The following CSMD1 variants were observed in gnomAD, a reference collection of about 807,000 sequenced individuals.
The protein encoded by CSMD1 is CUB and Sushi multiple domains 1.
CSMD1 carries 213 observed loss-of-function variants against 417.5 expected under a neutral mutation model. That is an observed-to-expected ratio of 0.51 (90% CI 0.46 to 0.57). The LOEUF (loss-of-function observed/expected upper bound fraction) is 0.57. Ranked by LOEUF, CSMD1 falls within the 20% of genes least tolerant of loss-of-function variation. The pLI, the probability that CSMD1 is intolerant of heterozygous loss-of-function variation, is 0.00. For synonymous variants in CSMD1, 2,862 were observed against 1,736.8 expected (o/e 1.65, Z -16.11); for missense variants, 6,923 against 4,529.7 (o/e 1.53, Z -15.17).
At chr8:4,924,722 C>CA (rs60827201) in intron 1 of CSMD1, among the ~76,000 whole-genome samples, 44,249 of 64,262 alleles carry the variant, frequency 0.69, 14,637 homozygotes, top group Admixed American at 0.8. Context: ...AACTCCATCT[C>CA]AAAAAAAAAA....
At chr8:4,875,562 G>C (rs1435243267) in intron 1 of CSMD1, among the ~76,000 whole-genome samples, 1 of 152,030 alleles carries the variant, frequency 6.6e-6, no homozygotes, top group Non-Finnish European at 1.5e-5. Flanking sequence ...CAGAAGCATA[G>C]ATCTTGTCAC....
chr8:4,546,364 A>C (rs1053469412), intron 2 of CSMD1, among the ~76,000 whole-genome samples: 4 of 152,134 alleles, frequency 2.6e-5, no homozygotes, highest in Non-Finnish European at 5.9e-5. Flanking sequence ...AGCTGGTAAA[A>C]GATTGCTTCT....
chr8:4,711,152 T>C (rs1808267708), intron 1 of CSMD1, among the ~76,000 whole-genome samples: 1 of 148,210 alleles, frequency 6.7e-6, no homozygotes, highest in South Asian at 2.1e-4. Context: ...CTCAACAATT[T>C]TCTCACAAAA....
intron 37 of CSMD1, among the ~76,000 whole-genome samples, chr8:3,177,280 CA>C (rs1821000885): frequency 1.3e-5 from 2 of 152,278 alleles, no homozygotes; most frequent in East Asian, 1.9e-4. Flanking sequence ...AGGCCTCTAT[CA>C]GGGGGCTATA....
chr8:4,523,906 T>C lies in CSMD1; in HGVS notation c.303-103841A>G, dbSNP rs141866917. 4.2e-4 allele frequency among the ~76,000 whole-genome samples: 64 copies of C among 152,292 alleles called. No homozygotes were observed. In the East Asian group the frequency reaches 9.7e-3, roughly 23 times the overall value. ...GTCTTTACAAAGCCAATCATGATGC[T>C]ATTTCTAATCAGCTCTGCTCCTCAA... On this transcript the variant is annotated intron_variant, in intron 2 of 69. Coordinates refer to ENST00000635120, the MANE Select transcript of CSMD1 (RefSeq NM_033225.6).
chr8:3,687,092 C>T (rs1310939056), intron 7 of CSMD1, among the ~76,000 whole-genome samples: 1 of 152,130 alleles, frequency 6.6e-6, no homozygotes, highest in Non-Finnish European at 1.5e-5. Flanking sequence ...AAATGTATGT[C>T]CAATAAAATG....
At chr8:4,504,408 G>C (rs1802415109) in intron 2 of CSMD1, among the ~76,000 whole-genome samples, 1 of 152,144 alleles carries the variant, frequency 6.6e-6, no homozygotes, top group Admixed American at 6.5e-5. Context: ...GAACAACATT[G>C]TGCCTACAGC....
At chr8:4,836,354 A>G (rs1301331658) in intron 1 of CSMD1, among the ~76,000 whole-genome samples, 9 of 152,170 alleles carry the variant, frequency 5.9e-5, no homozygotes, top group African/African-American at 2.2e-4. Flanking sequence ...GAAGACTTCT[A>G]TGTGGAGCCA....
At position 2,943,537 on chromosome 8, in the gene CSMD1, C is replaced by A. The variant is rs117216448; in HGVS notation, c.10403-933G>T. Reference sequence around the variant, plus strand: ...GCCACCACACCTGACCTAAAATATACCTTTTGTCCATTAGAAAGGAAGGCA... The same window carrying A: ...GCCACCACACCTGACCTAAAATATAACTTTTGTCCATTAGAAAGGAAGGCA... On this transcript the variant is annotated intron_variant, in intron 68 of 69. Transcript: ENST00000635120. Among the ~76,000 whole-genome samples, 182 of 152,262 alleles carry A rather than the reference C, an allele frequency of 1.2e-3. 1 individual carries two copies. The East Asian group carries it at 0.02, about 17-fold the overall frequency.
intron 2 of CSMD1, among the ~76,000 whole-genome samples, chr8:4,432,005 T>C (rs1283480363): frequency 1.3e-5 from 2 of 152,190 alleles, no homozygotes; most frequent in East Asian, 1.9e-4. Context: ...TATTTGTCAA[T>C]GTATTCTCAA....
chr8:3,303,965 T>G (rs187886258), intron 25 of CSMD1, among the ~76,000 whole-genome samples: 1 of 151,638 alleles, frequency 6.6e-6, no homozygotes, highest in Non-Finnish European at 1.5e-5. Flanking sequence ...ATAACTATTT[T>G]GGGGTATTCG....
At chr8:4,469,622 C>G (rs1382430823) in intron 2 of CSMD1, among the ~76,000 whole-genome samples, 3 of 152,096 alleles carry the variant, frequency 2.0e-5, no homozygotes, top group Non-Finnish European at 4.4e-5. Flanking sequence ...CCTGACATCC[C>G]TAATGTAGCT....
chr8:3,662,011 G>T (rs748397548), intron 7 of CSMD1, among the ~76,000 whole-genome samples: 1 of 152,196 alleles, frequency 6.6e-6, no homozygotes, highest in African/African-American at 2.4e-5. Flanking sequence ...CTTGATGGAA[G>T]AAGCGGGGGA....
At chr8:3,285,793 G>C (rs1384987430) in intron 25 of CSMD1, among the ~76,000 whole-genome samples, 1 of 151,588 alleles carries the variant, frequency 6.6e-6, no homozygotes, top group Non-Finnish European at 1.5e-5. Flanking sequence ...CACACACTCT[G>C]AAGTTGTAAT....
chr8:3,828,144 G>C (rs1169583699), intron 5 of CSMD1, among the ~76,000 whole-genome samples: 2 of 152,102 alleles, frequency 1.3e-5, no homozygotes, highest in African/African-American at 4.8e-5. Flanking sequence ...CATCCTAATT[G>C]AAAGTCACTT....
intron 7 of CSMD1, among the ~76,000 whole-genome samples, chr8:3,693,477 T>C (rs1563279382): frequency 6.6e-6 from 1 of 152,148 alleles, no homozygotes; most frequent in African/African-American, 2.4e-5. Context: ...CTGAAATTGC[T>C]GGTCAAATTA....
intron 3 of CSMD1, among the ~76,000 whole-genome samples, chr8:4,408,396 A>C (rs1563142235): frequency 6.6e-6 from 1 of 152,248 alleles, no homozygotes; most frequent in Admixed American, 6.5e-5. Context: ...ATTTTACCCT[A>C]TGAAAGGATT....
chr8:3,297,315 TAA>T (rs946006049), intron 25 of CSMD1, among the ~76,000 whole-genome samples: 2 of 152,154 alleles, frequency 1.3e-5, no homozygotes, highest in Admixed American at 1.3e-4. Flanking sequence ...TGTAAAAAAT[TAA>T]GAGTGTTTCT....
At chr8:3,931,953 AG>A (rs1163699781) in intron 5 of CSMD1, among the ~76,000 whole-genome samples, 1 of 150,006 alleles carries the variant, frequency 6.7e-6, no homozygotes, top group Non-Finnish European at 1.5e-5. Context: ...GAATCTAAAA[AG>A]GACTTTTTAA....
Sources: allele counts gnomAD v4.1 joint callset (sites outside exome capture counted in the v4.1 genomes callset), GRCh38; gene constraint gnomAD v4.1.1; transcripts MANE v1.5; gene names NCBI Gene and HGNC (gene_info 2026-07-23, HGNC 2026-07-21).